The following BABAM2 variants were observed in gnomAD, a reference collection of about 807,000 sequenced individuals.
The protein encoded by BABAM2 is BRISC and BRCA1-A complex member 2.
In BABAM2, 31 loss-of-function variants were observed where a neutral mutation model predicts 54.7. The observed-to-expected ratio is 0.57, with a 90% confidence interval of 0.43 to 0.77. The LOEUF is 0.77. BABAM2 is among the 30% of genes least tolerant of loss of function. The pLI, the probability that BABAM2 is intolerant of heterozygous loss-of-function variation, is 0.00. For missense variants in BABAM2, 364 were observed against 455.8 expected (o/e 0.80, Z 1.83); for synonymous variants, 167 against 162.9 (o/e 1.03, Z -0.19).
intron 2 of BABAM2, among the ~76,000 whole-genome samples, chr2:27,913,708 A>G (rs1359556135): frequency 6.6e-6 from 1 of 152,176 alleles, no homozygotes; most frequent in Non-Finnish European, 1.5e-5. Flanking sequence ...CTTTTGGGCA[A>G]GGAGAGAATG....
chr2:28,172,260 A>G (rs947200288), intron 7 of BABAM2, among the ~76,000 whole-genome samples: 1 of 152,086 alleles, frequency 6.6e-6, no homozygotes, highest in Non-Finnish European at 1.5e-5. Flanking sequence ...TGTCCTCCCT[A>G]TCTTTAATTG....
chr2:28,184,625 A>G (rs147445646), intron 7 of BABAM2, among the ~76,000 whole-genome samples: 1,947 of 152,022 alleles, frequency 0.013, 38 homozygotes, highest in African/African-American at 0.044. Context: ...GATGGTTTCC[A>G]TCCATGTCCC....
At chr2:28,334,809 C>T (rs548299003) in intron 11 of BABAM2, among the ~76,000 whole-genome samples, 13 of 152,368 alleles carry the variant, frequency 8.5e-5, no homozygotes, top group African/African-American at 2.6e-4. Flanking sequence ...GGCCTTATCA[C>T]CCCTACTGTT....
intron 5 of BABAM2, among the ~76,000 whole-genome samples, chr2:28,031,663 C>T (rs1676299393): frequency 6.6e-6 from 1 of 152,098 alleles, no homozygotes; most frequent in Non-Finnish European, 1.5e-5. Context: ...TTGAACAATA[C>T]TGGATAGATT....
intron 6 of BABAM2, among the ~76,000 whole-genome samples, chr2:28,104,707 A>G (rs1309457531): frequency 6.6e-6 from 1 of 152,186 alleles, no homozygotes; most frequent in Non-Finnish European, 1.5e-5. Context: ...CCAAAGGATT[A>G]TAAATCATGC....
intron 11 of BABAM2, chr2:28,309,325 C>T (rs557237673): frequency 2.0e-5 from 3 of 152,122 alleles, no homozygotes; most frequent in Non-Finnish European, 4.4e-5. Flanking sequence ...CTCTGCCTTC[C>T]ATATGTCTTC....
intron 10 of BABAM2, among the ~76,000 whole-genome samples, chr2:28,269,695 C>T (rs990697618): frequency 2.0e-5 from 3 of 152,292 alleles, no homozygotes; most frequent in Middle Eastern, 3.4e-3. Flanking sequence ...TTTTGTTTAA[C>T]AAGGTTTCTA....
At chr2:28,173,670 T>G (rs1674605046) in intron 7 of BABAM2, among the ~76,000 whole-genome samples, 1 of 152,252 alleles carries the variant, frequency 6.6e-6, no homozygotes, top group Non-Finnish European at 1.5e-5. Flanking sequence ...GCATCCCTAA[T>G]CTTTCCTTGC....
At chr2:28,174,277 C>G (rs1674672788) in intron 7 of BABAM2, among the ~76,000 whole-genome samples, 1 of 152,140 alleles carries the variant, frequency 6.6e-6, no homozygotes, top group Admixed American at 6.5e-5. Flanking sequence ...ACAGAGCACA[C>G]AAAAATACCT....
intron 3 of BABAM2, among the ~76,000 whole-genome samples, chr2:27,970,099 A>G (rs975600536): frequency 3.5e-4 from 54 of 152,196 alleles, no homozygotes; most frequent in African/African-American, 1.3e-3. Context: ...TATATAGTCT[A>G]TATGCTATAT....
intron 7 of BABAM2, among the ~76,000 whole-genome samples, chr2:28,137,457 T>C (rs1488326351): frequency 6.6e-6 from 1 of 152,200 alleles, no homozygotes; most frequent in Non-Finnish European, 1.5e-5. Flanking sequence ...GGGTTCTTCA[T>C]GACTTAGAAT....
intron 6 of BABAM2, among the ~76,000 whole-genome samples, chr2:28,052,978 G>A (rs1678112567): frequency 2.0e-5 from 3 of 152,066 alleles, no homozygotes; most frequent in Admixed American, 1.3e-4. Context: ...TTTACTATTT[G>A]GAAATGCTTG....
chr2:28,264,734 A>G (rs769825830), intron 10 of BABAM2, among the ~76,000 whole-genome samples: 1 of 152,126 alleles, frequency 6.6e-6, no homozygotes, highest in African/African-American at 2.4e-5. Context: ...CAAAAGACCC[A>G]TTTTTCTGGG....
chr2:28,001,296 C>G (rs1385177132), intron 4 of BABAM2, among the ~76,000 whole-genome samples: 3 of 152,146 alleles, frequency 2.0e-5, no homozygotes, highest in Non-Finnish European at 4.4e-5. Flanking sequence ...TGATATTATT[C>G]CTTTTTGTTA....
intron 11 of BABAM2, among the ~76,000 whole-genome samples, chr2:28,335,872 G>T (rs184620336): frequency 3.3e-5 from 5 of 152,206 alleles, no homozygotes; most frequent in Non-Finnish European, 7.4e-5. Flanking sequence ...GCCAGCTCAG[G>T]GGGGTCTGTG....
At chr2:27,920,373 G>A (rs1265126287) in intron 2 of BABAM2, among the ~76,000 whole-genome samples, 1 of 152,150 alleles carries the variant, frequency 6.6e-6, no homozygotes, top group African/African-American at 2.4e-5. Flanking sequence ...TAGATGTTAA[G>A]ATACCCTTTG....
intron 5 of BABAM2, among the ~76,000 whole-genome samples, chr2:28,040,595 C>T (rs777489373): frequency 5.3e-5 from 8 of 152,202 alleles, no homozygotes; most frequent in South Asian, 2.1e-4. Flanking sequence ...CCACCGCGCC[C>T]GGCCGAAAAA....
At chr2:27,944,844 T>C (rs1669180583) in intron 3 of BABAM2, among the ~76,000 whole-genome samples, 1 of 152,210 alleles carries the variant, frequency 6.6e-6, no homozygotes, top group South Asian at 2.1e-4. Flanking sequence ...CTGCTAACAA[T>C]TTATGAGGTT....
At chr2:28,241,541 C>A (rs1427531071) in intron 9 of BABAM2, 148 bp downstream of exon 9, 8 of 728,632 alleles carry the variant, frequency 1.1e-5, no homozygotes, top group Non-Finnish European at 1.8e-5. Flanking sequence ...GTCACCCAGG[C>A]TGGAGTGTAA....
Sources: allele counts gnomAD v4.1 joint callset (sites outside exome capture counted in the v4.1 genomes callset), GRCh38; gene constraint gnomAD v4.1.1; transcripts MANE v1.5; gene names NCBI Gene and HGNC (gene_info 2026-07-23, HGNC 2026-07-21).